Variants in SRGAP1 observed in about 807,000 individuals in gnomAD.
SRGAP1 encodes SLIT-ROBO Rho GTPase activating protein 1.
A neutral mutation model predicts 121.9 loss-of-function variants in SRGAP1; 43 were observed. The ratio of observed to expected loss-of-function variants is 0.35; its 90% CI spans 0.28 to 0.46. SRGAP1 has a LOEUF of 0.46. SRGAP1 is among the 20% of genes least tolerant of loss of function. SRGAP1 has a pLI of 1.00. For synonymous variants in SRGAP1, 447 were observed against 485.4 expected (o/e 0.92, Z 1.04); for missense variants, 1,102 against 1,350.9 (o/e 0.82, Z 2.89).
intron 6 of SRGAP1, among the ~76,000 whole-genome samples, chr12:64,052,619 T>C (rs1428453751): frequency 3.3e-5 from 5 of 152,082 alleles, no homozygotes; most frequent in African/African-American, 1.2e-4. Context: ...ATATTTTATA[T>C]TTAAAAAAGA....
intron 1 of SRGAP1, among the ~76,000 whole-genome samples, chr12:63,961,621 C>G (rs954577174): frequency 1.8e-4 from 27 of 152,194 alleles, no homozygotes; most frequent in African/African-American, 6.3e-4. Flanking sequence ...GTACCTATCA[C>G]AATGCCTGAT....
At chr12:63,888,926 C>T (rs1356952749) in intron 1 of SRGAP1, among the ~76,000 whole-genome samples, 2 of 152,208 alleles carry the variant, frequency 1.3e-5, no homozygotes, top group Admixed American at 6.5e-5. Context: ...ACCAAGGTTG[C>T]ACCCGGCAGC....
At chr12:64,070,942 T>C (rs1356812996) in intron 8 of SRGAP1, among the ~76,000 whole-genome samples, 3 of 152,182 alleles carry the variant, frequency 2.0e-5, no homozygotes, top group Non-Finnish European at 4.4e-5. Context: ...TGATATAAGA[T>C]GTGAAGCCTG....
At chr12:64,113,827 T>C (rs1458357721) in intron 17 of SRGAP1, among the ~76,000 whole-genome samples, 1 of 152,194 alleles carries the variant, frequency 6.6e-6, no homozygotes, top group African/African-American at 2.4e-5. Flanking sequence ...CCAAAGCATA[T>C]GTGAGTCTTC....
At chr12:63,929,155 G>A (rs1240330034) in intron 1 of SRGAP1, among the ~76,000 whole-genome samples, 5 of 152,162 alleles carry the variant, frequency 3.3e-5, no homozygotes, top group Non-Finnish European at 5.9e-5. Flanking sequence ...GGTCTTTACT[G>A]TAGGTAAATT....
At chr12:64,088,981 T>C (rs749812179) in intron 11 of SRGAP1, among the ~76,000 whole-genome samples, 3 of 152,236 alleles carry the variant, frequency 2.0e-5, no homozygotes, top group Non-Finnish European at 2.9e-5. Context: ...TTGGACCTTA[T>C]TGTAATAACC....
intron 10 of SRGAP1, among the ~76,000 whole-genome samples, chr12:64,082,806 C>T (rs2035871584): frequency 6.6e-6 from 1 of 152,186 alleles, no homozygotes; most frequent in Non-Finnish European, 1.5e-5. Context: ...GGGACACAAG[C>T]TGTGCTGACG....
intron 1 of SRGAP1, among the ~76,000 whole-genome samples, chr12:63,895,928 A>G (rs1306301148): frequency 6.6e-6 from 1 of 152,204 alleles, no homozygotes; most frequent in Non-Finnish European, 1.5e-5. Context: ...TTAGTGTATC[A>G]TGCAACAAAA....
At chr12:63,971,953 G>C (rs183632671) in intron 1 of SRGAP1, among the ~76,000 whole-genome samples, 2 of 152,270 alleles carry the variant, frequency 1.3e-5, no homozygotes. Context: ...TTCAGCTCCT[G>C]TCCAGAGTCC....
At chr12:63,853,567 A>T (rs1385408525) in intron 1 of SRGAP1, among the ~76,000 whole-genome samples, 1 of 152,242 alleles carries the variant, frequency 6.6e-6, no homozygotes, top group Non-Finnish European at 1.5e-5. Context: ...AGGTGAAATA[A>T]TAATTAAAGA....
chr12:64,084,848 T>C (rs574465557), intron 10 of SRGAP1, among the ~76,000 whole-genome samples: 8 of 152,084 alleles, frequency 5.3e-5, no homozygotes, highest in Non-Finnish European at 1.2e-4. Context: ...TGAAAGTGAT[T>C]ACCTATGTTA....
At chr12:63,979,900 C>T (rs2033200522) in intron 1 of SRGAP1, among the ~76,000 whole-genome samples, 1 of 152,210 alleles carries the variant, frequency 6.6e-6, no homozygotes, top group Non-Finnish European at 1.5e-5. Flanking sequence ...CAGTTTTTCT[C>T]AAACTCACCC....
chr12:63,907,839 G>A (rs1161579778), intron 1 of SRGAP1, among the ~76,000 whole-genome samples: 2 of 152,098 alleles, frequency 1.3e-5, no homozygotes, highest in African/African-American at 4.8e-5. Context: ...TATCGTCCTA[G>A]CCCTTACATT....
intron 21 of SRGAP1, among the ~76,000 whole-genome samples, chr12:64,137,627 A>G (rs1432129046): frequency 6.6e-6 from 1 of 152,188 alleles, no homozygotes; most frequent in Non-Finnish European, 1.5e-5. Context: ...TGGTTTATTC[A>G]TTATTGGAGA....
At chr12:64,081,366 C>G (rs1418480301) in intron 10 of SRGAP1, 1 of 151,830 alleles carries the variant, frequency 6.6e-6, no homozygotes, top group Non-Finnish European at 1.5e-5. Flanking sequence ...CTGGTTTCCA[C>G]CAAAGAACTC....
intron 1 of SRGAP1, among the ~76,000 whole-genome samples, chr12:63,925,543 G>A (rs991917191): frequency 2.0e-5 from 3 of 152,076 alleles, no homozygotes; most frequent in Non-Finnish European, 2.9e-5. Flanking sequence ...GTATTACAGC[G>A]AAGAAAAATT....
At chr12:64,130,390 G>A (rs763062198) in intron 21 of SRGAP1, among the ~76,000 whole-genome samples, 9 of 152,070 alleles carry the variant, frequency 5.9e-5, no homozygotes, top group South Asian at 2.1e-4. Flanking sequence ...ACATAATGTC[G>A]CGGGAACAGG....
intron 1 of SRGAP1, among the ~76,000 whole-genome samples, chr12:63,949,012 T>TTCCATATATGTATTTTC (rs56996271): frequency 2.2e-5 from 2 of 92,014 alleles, no homozygotes; most frequent in Admixed American, 2.3e-4. Flanking sequence ...ATATATATAT[T>TTCCATATATGTATTTTC]CATATATGTA....
intron 1 of SRGAP1, among the ~76,000 whole-genome samples, chr12:63,890,905 A>G (rs998525135): frequency 4.6e-5 from 7 of 152,146 alleles, no homozygotes; most frequent in African/African-American, 1.7e-4. Context: ...TGTTTCCACC[A>G]TCTTGTTCTC....
Sources: allele counts gnomAD v4.1 joint callset (sites outside exome capture counted in the v4.1 genomes callset), GRCh38; gene constraint gnomAD v4.1.1; transcripts MANE v1.5; gene names NCBI Gene and HGNC (gene_info 2026-07-23, HGNC 2026-07-21).